The following ANKRD31 variants were observed in gnomAD, a reference collection of about 807,000 sequenced individuals.
The protein encoded by ANKRD31 is ankyrin repeat domain-containing protein 31.
Under a neutral mutation model 186.0 loss-of-function variants are expected in ANKRD31, and 147 were observed. The observed-to-expected ratio is 0.79, with a 90% CI of 0.69 to 0.91. ANKRD31 has a LOEUF of 0.91. Among genes scored for constraint, ANKRD31 ranks in the 40% least tolerant of loss-of-function variants. ANKRD31 has a pLI of 0.00. For missense variants in ANKRD31, 1,986 were observed against 2,148.8 expected (o/e 0.92, Z 1.50); for synonymous variants, 673 against 736.4 (o/e 0.91, Z 1.39).
chr5:75,206,092 A>G (rs1258530121), intron 5 of ANKRD31, among the ~76,000 whole-genome samples: 1 of 150,902 alleles, frequency 6.6e-6, no homozygotes, highest in Non-Finnish European at 1.5e-5. Flanking sequence ...ATAAACATAT[A>G]GTAAGCCAGG....
At chr5:75,149,700 A>G (rs1580435468) in intron 12 of ANKRD31, among the ~76,000 whole-genome samples, 2 of 151,908 alleles carry the variant, frequency 1.3e-5, no homozygotes, top group South Asian at 4.1e-4. Flanking sequence ...AATAGTTTCA[A>G]CCTCACAGAA....
chr5:75,165,642 T>C (rs922373755), intron 11 of ANKRD31, among the ~76,000 whole-genome samples: 1 of 152,166 alleles, frequency 6.6e-6, no homozygotes, highest in African/African-American at 2.4e-5. Context: ...GGTCTCTAAG[T>C]AGATTTTCCA....
At position 75,210,873 on chromosome 5, in the gene ANKRD31, G is replaced by GAAA; in HGVS notation, c.289-11_289-9dup. The GAAA allele has an allele frequency of 7.1e-7, 1 of 1,414,406 alleles. No individual in the cohort carries two copies. The highest frequency in any genetic ancestry group is 9.3e-7 in the Non-Finnish European group (1 of 1,073,352). 87.6% of individuals were successfully genotyped at this position (1,414,406 alleles called of 1,614,324 possible). A position where few individuals can be genotyped will look rare whatever the true frequency, so the allele number is the denominator to read the frequency against. ...TTCTGTTTCATCTTGAGACTGCTAG[G>GAAA]AAAAAAAAAAGTTTTTTCCAACTGA... On this transcript the variant is annotated splice_polypyrimidine_tract_variant and intron_variant, in intron 3 of 25. Transcript: ENST00000506364.
intron 22 of ANKRD31, among the ~76,000 whole-genome samples, chr5:75,095,548 C>T (rs368687536): frequency 5.3e-5 from 8 of 152,018 alleles, no homozygotes; most frequent in Non-Finnish European, 4.4e-5. Flanking sequence ...GTGATGAAAT[C>T]TCACACTGTC....
intron 21 of ANKRD31, among the ~76,000 whole-genome samples, 193 bp downstream of exon 21, chr5:75,107,328 T>A (rs1747403820): frequency 6.6e-6 from 1 of 152,026 alleles, no homozygotes; most frequent in Non-Finnish European, 1.5e-5. Flanking sequence ...CTATCCCAAG[T>A]AATAGTGTAG....
At chr5:75,075,914 C>G (rs1744599043) in intron 25 of ANKRD31, among the ~76,000 whole-genome samples, 1 of 152,152 alleles carries the variant, frequency 6.6e-6, no homozygotes, top group Admixed American at 6.5e-5. Flanking sequence ...TTTCACCAAA[C>G]AGGCCCAAGA....
intron 10 of ANKRD31, among the ~76,000 whole-genome samples, chr5:75,173,664 C>A (rs1167279650): frequency 1.3e-5 from 2 of 152,082 alleles, no homozygotes; most frequent in Non-Finnish European, 2.9e-5. Context: ...AGCTAGGAAT[C>A]CAACTTACAA....
At position 75,222,275 on chromosome 5, in the gene ANKRD31, C is replaced by G. The variant is rs539499320; in HGVS notation, c.262G>C (p.Val88Leu). 3 of 1,536,120 alleles carry G rather than the reference C, an allele frequency of 2.0e-6. No individual in the cohort carries two copies. Among genetic ancestry groups the G allele is most frequent in the Non-Finnish European group, 2.6e-6 (3 of 1,146,104 alleles). Residue 88 changes from valine (V) to leucine (L), a missense_variant, in exon 3 of 26, where the codon GTT becomes CTT. Transcript: ENST00000506364. ...EQMNKNKMMP[V>L]LSEDTILQSQ... ...TGTAATATTGTATCCTCGCTAAGAA[C>G]AGGCATCATCTTATTTTTATTCATT...
intron 18 of ANKRD31, among the ~76,000 whole-genome samples, chr5:75,117,283 T>C (rs969327842): frequency 3.3e-5 from 5 of 152,080 alleles, no homozygotes; most frequent in African/African-American, 7.2e-5. Context: ...ATCTAAATCA[T>C]GGGAACTTTC....
rs1743958472 is a variant in ANKRD31, at chr5:75,068,668, T to C, written c.5648-4A>G. 1 of 1,474,556 alleles carries C rather than the reference T, an allele frequency of 6.8e-7. No homozygotes were observed. The highest frequency in any genetic ancestry group is 8.9e-7 in the Non-Finnish European group (1 of 1,119,754). The allele number at this position is 1,474,556 out of a possible 1,614,324, so 91.3% of individuals were successfully genotyped here. ...TGCATTGACTCTCTGGAAGTTCCTG[T>C]TTAAAGAAGTATCAACAAATTAAAA... On this transcript the variant is annotated splice_polypyrimidine_tract_variant and splice_region_variant and intron_variant, in intron 25 of 25. Coordinates refer to ENST00000506364, the MANE Select transcript of ANKRD31 (RefSeq NM_001372053.1).
chr5:75,122,713 A>G (rs1748900117), intron 17 of ANKRD31, among the ~76,000 whole-genome samples: 1 of 152,150 alleles, frequency 6.6e-6, no homozygotes, highest in South Asian at 2.1e-4. Context: ...TGGAAAAAGC[A>G]TTTGATAAAA....
rs576059259 is a variant in ANKRD31, at chr5:75,224,629, C to T, written c.179-2271G>A. On this transcript the variant is annotated intron_variant, in intron 2 of 25. Transcript: ENST00000506364. ...AAAATAAAGTTTGAGCCCTACCTTT[C>T]CCATATGCCAAAATATTCCAAACAT... 1.6e-4 allele frequency among the ~76,000 whole-genome samples: 24 copies of T among 152,164 alleles called. 1 individual carries two copies. In the South Asian group the frequency reaches 4.8e-3, roughly 30 times the overall value.
Position 75,146,978 on chromosome 5 carries a change from CTGGATGTGTTTCTCTT to C in ANKRD31, c.2417_2432del (p.Lys806ArgfsTer16). The C allele has an allele frequency of 1.3e-6, 2 of 1,536,302 alleles. No individual in the cohort carries two copies. The highest frequency in any genetic ancestry group is 8.7e-7 in the Non-Finnish European group (1 of 1,146,296). ...CTTGACTATCTGATAAATCCAGGTTCTGGATGTGTTTCTCTTTGGAAACTGAACAAGCCTCAGTACT... is the reference window on the plus strand; with the variant it reads ...CTTGACTATCTGATAAATCCAGGTTCTGGAAACTGAACAAGCCTCAGTACT... On this transcript the variant is annotated frameshift_variant, in exon 14 of 26. Coordinates refer to ENST00000506364, the MANE Select transcript of ANKRD31 (RefSeq NM_001372053.1). LOFTEE classifies it high-confidence loss of function.
intron 20 of ANKRD31, among the ~76,000 whole-genome samples, chr5:75,108,231 G>A (rs892284204): frequency 5.8e-4 from 88 of 151,704 alleles, no homozygotes; most frequent in Non-Finnish European, 2.2e-4. Flanking sequence ...TCTAAAAATA[G>A]AATCATGCTA....
At chr5:75,173,482 C>T (rs1422713103) in intron 10 of ANKRD31, among the ~76,000 whole-genome samples, 5 of 152,008 alleles carry the variant, frequency 3.3e-5, no homozygotes, top group African/African-American at 9.7e-5. Context: ...TTTAGAAAAC[C>T]CCATGGTCTC....
chr5:75,206,043 A>G (rs927973628), intron 5 of ANKRD31, among the ~76,000 whole-genome samples: 3 of 151,260 alleles, frequency 2.0e-5, no homozygotes, highest in African/African-American at 7.3e-5. Context: ...AATTCTATGA[A>G]GCATGCCCCA....
intron 4 of ANKRD31, among the ~76,000 whole-genome samples, chr5:75,206,982 AG>A (rs1756295436): frequency 6.6e-6 from 1 of 152,228 alleles, no homozygotes; most frequent in African/African-American, 2.4e-5. Flanking sequence ...GGAAGTTAAA[AG>A]CAAAATAAGG....
chr5:75,217,223 T>C (rs1408483029), intron 3 of ANKRD31, among the ~76,000 whole-genome samples: 1 of 152,192 alleles, frequency 6.6e-6, no homozygotes, highest in African/African-American at 2.4e-5. Context: ...GAGAGTCCTG[T>C]AGATGTCTAC....
chr5:75,160,076 A>T (rs1275419752), intron 11 of ANKRD31, among the ~76,000 whole-genome samples: 1 of 152,122 alleles, frequency 6.6e-6, no homozygotes, highest in Non-Finnish European at 1.5e-5. Context: ...TAAACTCTAT[A>T]AATAAATACT....
Sources: gnomAD v4.1 joint callset for allele counts (sites outside exome capture counted in the v4.1 genomes callset) on GRCh38, gnomAD v4.1.1 for gene constraint, MANE v1.5 for transcripts, NCBI Gene and HGNC (gene_info 2026-07-23, HGNC 2026-07-21) for gene names.